AKT3: variants seen among roughly 807,000 people sequenced by gnomAD.
AKT3 encodes the protein RAC-gamma serine/threonine-protein kinase.
A neutral mutation model predicts 65.3 loss-of-function variants in AKT3; 15 were observed. The observed-to-expected ratio is 0.23, with a 90% CI of 0.15 to 0.35. The LOEUF is 0.35. Ranked by LOEUF, AKT3 falls within the 10% of genes least tolerant of loss-of-function variation. The probability of loss-of-function intolerance (pLI) is 1.00; values close to 1 mark genes in which losing one functional copy is unlikely to be tolerated. For synonymous variants in AKT3, 206 were observed against 183.8 expected (o/e 1.12, Z -0.98); for missense variants, 243 against 576.5 (o/e 0.42, Z 5.92).
intron 2 of AKT3, among the ~76,000 whole-genome samples, chr1:243,763,909 G>T (rs1689650477): frequency 2.0e-5 from 3 of 151,952 alleles, no homozygotes; most frequent in African/African-American, 7.2e-5. Context: ...CTTGTAAATG[G>T]ACAGTCTTCA....
chr1:243,782,073 T>G (rs1690949608), intron 2 of AKT3, among the ~76,000 whole-genome samples: 1 of 152,176 alleles, frequency 6.6e-6, no homozygotes, highest in Non-Finnish European at 1.5e-5. Context: ...CTGCCCACCT[T>G]AGCCTCTCAA....
At chr1:243,518,292 C>A (rs926294396) in intron 12 of AKT3, among the ~76,000 whole-genome samples, 4 of 152,160 alleles carry the variant, frequency 2.6e-5, no homozygotes, top group African/African-American at 9.7e-5. Flanking sequence ...GAAGCAAAGA[C>A]CCTACATTAT....
At chr1:243,797,440 C>T (rs1344958368) in intron 2 of AKT3, among the ~76,000 whole-genome samples, 1 of 152,170 alleles carries the variant, frequency 6.6e-6, no homozygotes, top group Non-Finnish European at 1.5e-5. Context: ...ACACTCAATA[C>T]ACATTTGGTG....
chr1:243,842,446 G>T (rs548173777), intron 2 of AKT3, among the ~76,000 whole-genome samples: 1 of 152,278 alleles, frequency 6.6e-6, no homozygotes, highest in Non-Finnish European at 1.5e-5. Flanking sequence ...TGATCTCACA[G>T]ATGATAAACC....
chr1:243,529,247 G>T (rs1248390233), intron 12 of AKT3, among the ~76,000 whole-genome samples: 1 of 146,382 alleles, frequency 6.8e-6, no homozygotes, highest in Non-Finnish European at 1.5e-5. Context: ...CTCCCATTCT[G>T]CAGAGGTCTG....
At chr1:243,609,134 C>T (rs886995189) in intron 8 of AKT3, among the ~76,000 whole-genome samples, 3 of 151,674 alleles carry the variant, frequency 2.0e-5, no homozygotes, top group Non-Finnish European at 4.4e-5. Flanking sequence ...AAACAAGTTG[C>T]CACAAGGATA....
intron 2 of AKT3, among the ~76,000 whole-genome samples, chr1:243,721,405 C>T (rs1292248303): frequency 6.6e-6 from 1 of 152,136 alleles, no homozygotes; most frequent in African/African-American, 2.4e-5. Flanking sequence ...CCTATTTCTA[C>T]ATAGCTGTCC....
chr1:243,770,757 G>A (rs186014265), intron 2 of AKT3, among the ~76,000 whole-genome samples: 1 of 150,874 alleles, frequency 6.6e-6, no homozygotes, highest in East Asian at 1.9e-4. Context: ...AACATTTTTG[G>A]GACAGCAAAA....
At position 243,646,049 on chromosome 1, in the gene AKT3, A is replaced by C. The variant is rs770445511; in HGVS notation, c.285-12T>G. Reference sequence around the variant, plus strand: ...CTGTCCATTCTTCCCTATAAAAATGAGTAAAATTTCCCATTAATAGAAGAT... The same window carrying C: ...CTGTCCATTCTTCCCTATAAAAATGCGTAAAATTTCCCATTAATAGAAGAT... On this transcript the variant is annotated splice_polypyrimidine_tract_variant and intron_variant, in intron 4 of 13. Transcript: ENST00000673466. 6.3e-7 allele frequency: 1 copy of C among 1,578,218 alleles called. No individual in the cohort carries two copies. The highest frequency in any genetic ancestry group is 1.2e-5 in the South Asian group (1 of 84,862).
intron 2 of AKT3, among the ~76,000 whole-genome samples, chr1:243,737,179 T>C (rs1221215314): frequency 1.3e-5 from 2 of 152,198 alleles, no homozygotes; most frequent in Non-Finnish European, 2.9e-5. Context: ...AAGCCTTTCT[T>C]GGCTCTATCA....
At chr1:243,716,992 G>A (rs533439649) in intron 2 of AKT3, among the ~76,000 whole-genome samples, 1 of 152,180 alleles carries the variant, frequency 6.6e-6, no homozygotes, top group Admixed American at 6.5e-5. Context: ...TCTTCTTCAG[G>A]GATTGTGTCA....
chr1:243,538,124 C>T (rs1672057591), intron 12 of AKT3, among the ~76,000 whole-genome samples: 1 of 151,976 alleles, frequency 6.6e-6, no homozygotes, highest in African/African-American at 2.4e-5. Context: ...TTACCATTAC[C>T]ATGTATTGTG....
At chr1:243,681,172 A>T (rs375584165) in intron 3 of AKT3, among the ~76,000 whole-genome samples, 1 of 152,186 alleles carries the variant, frequency 6.6e-6, no homozygotes, top group African/African-American at 2.4e-5. Context: ...TATAAAATAG[A>T]CTGTTTGTCC....
intron 2 of AKT3, among the ~76,000 whole-genome samples, chr1:243,806,271 A>G (rs532103248): frequency 6.6e-6 from 1 of 152,178 alleles, no homozygotes; most frequent in East Asian, 1.9e-4. Context: ...CCCAATAACT[A>G]TGTCCAGGTG....
At chr1:243,681,817 A>G (rs1683939538) in intron 3 of AKT3, among the ~76,000 whole-genome samples, 1 of 152,062 alleles carries the variant, frequency 6.6e-6, no homozygotes, top group South Asian at 2.1e-4. Context: ...TTCATTATCT[A>G]GTTTTTTTTC....
chr1:243,556,135 C>T (rs928459583), intron 10 of AKT3, among the ~76,000 whole-genome samples: 2 of 152,090 alleles, frequency 1.3e-5, no homozygotes, highest in Non-Finnish European at 2.9e-5. Context: ...AACTGCTTTA[C>T]TTTATGATAC....
intron 2 of AKT3, among the ~76,000 whole-genome samples, chr1:243,816,698 G>A (rs1231896949): frequency 6.6e-6 from 1 of 151,898 alleles, no homozygotes; most frequent in Non-Finnish European, 1.5e-5. Flanking sequence ...CAAGAGAATA[G>A]AAATCTGAAT....
chr1:243,793,301 C>T (rs1044681699), intron 2 of AKT3: 3 of 152,070 alleles, frequency 2.0e-5, no homozygotes, highest in African/African-American at 7.2e-5. Context: ...GTTGCCCAGG[C>T]TAGTCTTAAA....
At chr1:243,659,944 T>C (rs1196101985) in intron 4 of AKT3, among the ~76,000 whole-genome samples, 3 of 152,184 alleles carry the variant, frequency 2.0e-5, no homozygotes, top group African/African-American at 7.2e-5. Flanking sequence ...AAATTCTCTT[T>C]TTTGGTTGTG....
Sources: allele counts gnomAD v4.1 joint callset (sites outside exome capture counted in the v4.1 genomes callset), GRCh38; gene constraint gnomAD v4.1.1; transcripts MANE v1.5; gene names NCBI Gene and HGNC (gene_info 2026-07-23, HGNC 2026-07-21).